The following FSTL4 variants were observed in gnomAD, a reference collection of about 807,000 sequenced individuals.
FSTL4 encodes follistatin like 4.
FSTL4 carries 28 observed loss-of-function variants against 78.2 expected under a neutral mutation model. The observed-to-expected ratio is 0.36, with a 90% CI of 0.27 to 0.49. FSTL4 has a LOEUF of 0.49. FSTL4 is among the 20% of genes least tolerant of loss of function. FSTL4 has a pLI of 0.98. For synonymous variants in FSTL4, 422 were observed against 440.5 expected (o/e 0.96, Z 0.53); for missense variants, 922 against 1,084.9 (o/e 0.85, Z 2.11).
In FSTL4 at chr5:133,611,913, C is replaced by A. The variant is rs1435074733; in HGVS notation, c.-11+412G>T. Among the ~76,000 whole-genome samples, 2 of 152,032 alleles carry A rather than the reference C, an allele frequency of 1.3e-5. No individual in the cohort carries two copies. Among genetic ancestry groups the A allele is most frequent in the African/African-American group, 4.8e-5 (2 of 41,422 alleles). On this transcript the variant is annotated intron_variant, in intron 1 of 15. Coordinates refer to ENST00000265342, the MANE Select transcript of FSTL4 (RefSeq NM_015082.2). This position sits in a 1 kb window ranked among gnomAD's most constrained non-coding sequence, Gnocchi z 4.9. ...GAGGGGCCGCGCTCGCCTGGCTCCG[C>A]CGGGGCCGCTCGGGGTCCTGAACCC...
At chr5:133,694,351 A>C in the FSTL4 span, among the ~76,000 whole-genome samples, 1 of 152,222 alleles carries the variant, frequency 6.6e-6, no homozygotes, top group Non-Finnish European at 1.5e-5. Context: ...GCGATCTGCC[A>C]TGTACCTCCT....
intron 3 of FSTL4, among the ~76,000 whole-genome samples, chr5:133,504,993 T>A (rs554695372): frequency 6.6e-6 from 1 of 152,344 alleles, no homozygotes; most frequent in Admixed American, 6.5e-5. Context: ...GTTGTCTTTA[T>A]GCAGAGATGC....
At chr5:133,234,408 G>A (rs1269142097) in intron 7 of FSTL4, among the ~76,000 whole-genome samples, 5 of 152,216 alleles carry the variant, frequency 3.3e-5, no homozygotes, top group Admixed American at 3.3e-4. Flanking sequence ...ATGGGCAGGA[G>A]GGGCTTTTGG....
intron 3 of FSTL4, among the ~76,000 whole-genome samples, chr5:133,460,224 C>T (rs1371299860): frequency 6.6e-6 from 1 of 152,134 alleles, no homozygotes; most frequent in Non-Finnish European, 1.5e-5. Context: ...TTCATTCTTG[C>T]TTTGTGCGTT....
At chr5:133,367,342 G>A (rs1346768581) in intron 4 of FSTL4, among the ~76,000 whole-genome samples, 1 of 152,228 alleles carries the variant, frequency 6.6e-6, no homozygotes, top group Non-Finnish European at 1.5e-5. Context: ...GAGGTTGGAT[G>A]TGTTGTCTCT....
the FSTL4 span, among the ~76,000 whole-genome samples, chr5:133,756,332 C>T: frequency 4.0e-5 from 6 of 151,718 alleles, no homozygotes; most frequent in Non-Finnish European, 7.4e-5. Context: ...TCTGCAGGTC[C>T]AGTTCACATG....
chr5:133,219,122 G>A (rs1276783323), intron 12 of FSTL4, among the ~76,000 whole-genome samples: 1 of 152,120 alleles, frequency 6.6e-6, no homozygotes, highest in Non-Finnish European at 1.5e-5. Context: ...AACTGTTGGT[G>A]ACTCCAGGGT....
At position 133,274,380 on chromosome 5, in the gene FSTL4, C is replaced by CTTTTTTTTTTTTTTT. The variant is rs59634629; in HGVS notation, c.728-24819_728-24805dup. On this transcript the variant is annotated intron_variant, in intron 6 of 15. Coordinates refer to ENST00000265342, the MANE Select transcript of FSTL4 (RefSeq NM_015082.2). ...ATTCTCAGAAAAAGGGCAATCTGTG[C>CTTTTTTTTTTTTTTT]TTTTTTTTTTTTTTTTAGGAGAACA... 7.9e-3 allele frequency among the ~76,000 whole-genome samples: 558 copies of CTTTTTTTTTTTTTTT among 71,006 alleles called. 152 individuals are homozygous for CTTTTTTTTTTTTTTT. Among genetic ancestry groups the CTTTTTTTTTTTTTTT allele is most frequent in the Non-Finnish European group, 0.01 (436 of 41,632 alleles). 46.6% of individuals were successfully genotyped at this position (71,006 alleles called of 152,430 possible).
chr5:133,308,759 C>T (rs755528042), intron 6 of FSTL4, among the ~76,000 whole-genome samples: 12 of 152,118 alleles, frequency 7.9e-5, no homozygotes, highest in Non-Finnish European at 1.6e-4. Flanking sequence ...CACTGTTTTC[C>T]TTTCTGCTTG....
chr5:133,290,551 C>T (rs369858133), intron 6 of FSTL4, among the ~76,000 whole-genome samples: 2 of 152,230 alleles, frequency 1.3e-5, no homozygotes, highest in East Asian at 1.9e-4. Flanking sequence ...GTTGTACTTT[C>T]CACTGGGTCT....
chr5:133,541,968 T>C (rs1336553266), intron 3 of FSTL4, among the ~76,000 whole-genome samples: 5 of 119,480 alleles, frequency 4.2e-5, no homozygotes, highest in African/African-American at 6.0e-5. Flanking sequence ...CTTTAAGCAA[T>C]ACTTAACTGA....
chr5:133,476,125 G>T (rs1757921229), intron 3 of FSTL4, among the ~76,000 whole-genome samples: 1 of 152,112 alleles, frequency 6.6e-6, no homozygotes, highest in Non-Finnish European at 1.5e-5. Flanking sequence ...GAGGCTGCTG[G>T]GGCAAAAACG....
At chr5:133,786,044 C>T in the FSTL4 span, among the ~76,000 whole-genome samples, 9 of 152,248 alleles carry the variant, frequency 5.9e-5, no homozygotes, top group Admixed American at 4.6e-4. Context: ...ACCTTTTTGC[C>T]CTGGGTCAAA....
chr5:133,294,445 G>T (rs544209865), intron 6 of FSTL4, among the ~76,000 whole-genome samples: 1 of 152,160 alleles, frequency 6.6e-6, no homozygotes, highest in African/African-American at 2.4e-5. Flanking sequence ...GGAAACCCCC[G>T]TGCATGCTCC....
the FSTL4 span, among the ~76,000 whole-genome samples, chr5:133,719,250 G>A: frequency 0.55 from 83,270 of 152,076 alleles, 25,211 homozygotes; most frequent in African/African-American, 0.82. Flanking sequence ...CAGTGATTCT[G>A]TAAAGGATCC....
At chr5:133,319,064 C>T (rs925073834) in intron 4 of FSTL4, among the ~76,000 whole-genome samples, 3 of 152,220 alleles carry the variant, frequency 2.0e-5, no homozygotes, top group Admixed American at 6.5e-5. Context: ...TGGGGGAAAC[C>T]ATCCAGGTGG....
intron 3 of FSTL4, among the ~76,000 whole-genome samples, chr5:133,551,900 A>G (rs895717202): frequency 6.6e-6 from 1 of 152,252 alleles, no homozygotes; most frequent in Non-Finnish European, 1.5e-5. Flanking sequence ...CATAACTTAC[A>G]TAGAGAGGCA....
chr5:133,727,194 C>A, the FSTL4 span, among the ~76,000 whole-genome samples: 1 of 152,110 alleles, frequency 6.6e-6, no homozygotes. Flanking sequence ...GGAAAAGCTC[C>A]AGCAGGCAGC....
chr5:133,206,824 T>G (rs1040433646), intron 14 of FSTL4, among the ~76,000 whole-genome samples: 1 of 152,112 alleles, frequency 6.6e-6, no homozygotes, highest in African/African-American at 2.4e-5. Flanking sequence ...TTCTTGCAAG[T>G]TTTGTTCTCT....
Sources: gnomAD v4.1 joint callset for allele counts (sites outside exome capture counted in the v4.1 genomes callset) on GRCh38, gnomAD v4.1.1 for gene constraint, Gnocchi (gnomAD v3.1) non-coding constraint, MANE v1.5 for transcripts, NCBI Gene and HGNC (gene_info 2026-07-23, HGNC 2026-07-21) for gene names.